Variants in SCARB1 observed in about 807,000 individuals in gnomAD.
SCARB1 encodes scavenger receptor class B member 1, also known as CD36 and LIMPII analogous 1.
Under a neutral mutation model 57.2 loss-of-function variants are expected in SCARB1, and 30 were observed. The observed-to-expected ratio is 0.52, with a 90% confidence interval of 0.39 to 0.71. The LOEUF is 0.71. Among genes scored for constraint, SCARB1 ranks in the 30% least tolerant of loss-of-function variants. The probability of loss-of-function intolerance (pLI) is 0.00; values close to 1 mark genes in which losing one functional copy is unlikely to be tolerated. For missense variants in SCARB1, 543 were observed against 671.2 expected, an observed-to-expected ratio of 0.81 and a Z score of 2.11; for synonymous variants, 249 against 268.3, an observed-to-expected ratio of 0.93 and a Z score of 0.70.
At chr12:124,795,840 C>T (rs1223962438) in intron 8 of SCARB1, among the ~76,000 whole-genome samples, 1 of 152,234 alleles carries the variant, frequency 6.6e-6, no homozygotes, top group Non-Finnish European at 1.5e-5. Context: ...TTCACTCCTG[C>T]TGACAGACAA....
intron 1 of SCARB1, among the ~76,000 whole-genome samples, chr12:124,825,233 A>G (rs1156450764): frequency 6.6e-6 from 1 of 150,712 alleles, no homozygotes; most frequent in East Asian, 1.9e-4. Context: ...TCAAAAAAAA[A>G]AAAAAAAAAA....
intron 1 of SCARB1, 83 bp downstream of exon 1, chr12:124,863,512 A>AC: frequency 6.8e-7 from 1 of 1,473,438 alleles, no homozygotes; most frequent in Non-Finnish European, 9.2e-7. Context: ...TCGCCCACCC[A>AC]CCGCAACGCG....
chr12:124,862,247 C>T (rs1474217634), intron 1 of SCARB1: 2 of 152,222 alleles, frequency 1.3e-5, no homozygotes, highest in Non-Finnish European at 2.9e-5. Flanking sequence ...TGCTGATTTT[C>T]CTGCCATCCC....
intron 1 of SCARB1, among the ~76,000 whole-genome samples, chr12:124,819,471 C>T (rs1167882666): frequency 6.6e-6 from 1 of 152,252 alleles, no homozygotes; most frequent in Non-Finnish European, 1.5e-5. Context: ...CTGGGGTCCA[C>T]TTGGACTCCT....
chr12:124,817,353 TAAAAAAAAAAAA>T lies in SCARB1; in HGVS notation c.284+185_284+196del, dbSNP rs60063887. 5.8e-5 allele frequency among the ~76,000 whole-genome samples: 4 copies of T among 68,774 alleles called. No individual in the cohort carries two copies. Among genetic ancestry groups the T allele is most frequent in the Admixed American group, 1.8e-4 (1 of 5,436 alleles). The allele number at this position is 68,774 out of a possible 152,430, so 45.1% of individuals were successfully genotyped here. On this transcript the variant is annotated intron_variant, in intron 2 of 12. Transcript: ENST00000261693. The surrounding 1 kb of genome is among the most constrained non-coding windows in gnomAD (Gnocchi z 4.8). The stretch of plus-strand genomic sequence containing the variant: ...GGGCAACATAGCAAGATCCCATCTC[TAAAAAAAAAAAA>T]AAAAAAAAAAAAAACCCTAAAACAA...
chr12:124,817,353 T>TAA lies in SCARB1; in HGVS notation c.284+195_284+196dup, dbSNP rs60063887. Among the ~76,000 whole-genome samples the TAA allele has an allele frequency of 4.3e-3, 299 of 68,750 alleles. 4 individuals are homozygous for TAA. The highest frequency in any genetic ancestry group is 0.014 in the African/African-American group (260 of 18,068). 45.1% of individuals were successfully genotyped at this position (68,750 alleles called of 152,430 possible). A position where few individuals can be genotyped will look rare whatever the true frequency, so the allele number is the denominator to read the frequency against. Reference sequence around the variant, plus strand: ...GGGCAACATAGCAAGATCCCATCTCTAAAAAAAAAAAAAAAAAAAAAAAAA... The same window carrying TAA: ...GGGCAACATAGCAAGATCCCATCTCTAAAAAAAAAAAAAAAAAAAAAAAAAAA... On this transcript the variant is annotated intron_variant, in intron 2 of 12. Coordinates refer to ENST00000261693, the MANE Select transcript of SCARB1 (RefSeq NM_005505.5). The surrounding 1 kb of genome is among the most constrained non-coding windows in gnomAD (Gnocchi z 4.8).
At position 124,811,919 on chromosome 12, in the gene SCARB1, T is replaced by C. The variant is rs756381665; in HGVS notation, c.677A>G (p.Gln226Arg). ...SGLFTVFTGV[Q>R]NISRIHLVDK... ...CACGAGGTGGATCCTGCTGATGTTC[T>C]GGACCCCCGTGAACACCGTGAAGAG... Residue 226 changes from glutamine (Q) to arginine (R), a missense_variant, in exon 5 of 13, where the codon CAG becomes CGG. By Grantham distance (43) the Gln-to-Arg change is conservative. Coordinates refer to ENST00000261693, the MANE Select transcript of SCARB1 (RefSeq NM_005505.5). 1.2e-6 allele frequency: 2 copies of C among 1,613,514 alleles called. No individual in the cohort carries two copies. The highest frequency in any genetic ancestry group is 8.5e-7 in the Non-Finnish European group (1 of 1,179,770).
chr12:124,822,925 A>G lies in SCARB1; in HGVS notation c.127-5218T>C, dbSNP rs1039499782. ...GCAACACCACCACCCATGACATGCT[A>G]TATTTACCGCTATGGAACAATCTCC... On this transcript the variant is annotated intron_variant, in intron 1 of 12. Transcript: ENST00000261693. The surrounding 1 kb of genome is among the most constrained non-coding windows in gnomAD (Gnocchi z 5.0). Among the ~76,000 whole-genome samples, 1 of 152,222 alleles carries G rather than the reference A, an allele frequency of 6.6e-6. No homozygotes were observed. The highest frequency in any genetic ancestry group is 1.5e-5 in the Non-Finnish European group (1 of 68,040).
Position 124,824,012 on chromosome 12 carries a change from AT to A in SCARB1, c.127-6306del, listed in dbSNP as rs748190638. 7.0e-3 allele frequency among the ~76,000 whole-genome samples: 979 copies of A among 140,824 alleles called. 3 individuals carry two copies. Among genetic ancestry groups the A allele is most frequent in the South Asian group, 8.6e-3 (37 of 4,326 alleles). 92.4% of individuals were successfully genotyped at this position (140,824 alleles called of 152,430 possible). ...AAACCCCGCCTCTATTAAAAAAAAA[AT>A]ATATACAAAAATTAGCTGGGCATGG... On this transcript the variant is annotated intron_variant, in intron 1 of 12. Coordinates refer to ENST00000261693, the MANE Select transcript of SCARB1 (RefSeq NM_005505.5).
chr12:124,819,542 C>A (rs1220517167), intron 1 of SCARB1, among the ~76,000 whole-genome samples: 1 of 150,916 alleles, frequency 6.6e-6, no homozygotes, highest in African/African-American at 2.4e-5. Context: ...GGAGGTCCCC[C>A]CTAGTCCACC....
intron 1 of SCARB1, among the ~76,000 whole-genome samples, chr12:124,820,808 G>A (rs537420363): frequency 3.5e-4 from 53 of 152,332 alleles, no homozygotes; most frequent in Non-Finnish European, 5.1e-4. Context: ...GGAGGGAACC[G>A]TAGAGGTGAC....
rs1000818883 is a variant in SCARB1, at chr12:124,807,989, C to T, written c.843-62G>A. On this transcript the variant is annotated intron_variant, in intron 6 of 12. Coordinates refer to ENST00000261693, the MANE Select transcript of SCARB1 (RefSeq NM_005505.5). This position sits in a 1 kb window ranked among gnomAD's most constrained non-coding sequence, Gnocchi z 5.3. ...ACCCGGCGGCCAGAGCCAGGCCCTG[C>T]CAAAGGCTGCCCAGATCCAGCCACT... 8 of 1,540,400 alleles carry T rather than the reference C, an allele frequency of 5.2e-6. No homozygotes were observed. The South Asian group carries it at 9.0e-5, about 17-fold the overall frequency.
intron 1 of SCARB1, among the ~76,000 whole-genome samples, chr12:124,826,222 T>G (rs1182163223): frequency 6.6e-6 from 1 of 150,780 alleles, no homozygotes; most frequent in Non-Finnish European, 1.5e-5. Context: ...TCCCAGCTAC[T>G]CAGGAGGCTT....
intron 1 of SCARB1, chr12:124,821,589 C>A (rs561122906): frequency 2.1e-6 from 2 of 970,680 alleles, no homozygotes; most frequent in Admixed American, 6.1e-5. Flanking sequence ...GCAGCCCTGT[C>A]CAACTGGGTG....
At chr12:124,861,213 T>C (rs1952885666) in intron 1 of SCARB1, among the ~76,000 whole-genome samples, 1 of 152,224 alleles carries the variant, frequency 6.6e-6, no homozygotes, top group Admixed American at 6.5e-5. Context: ...CATAAAATGC[T>C]GTGGTATTTG....
In SCARB1 at chr12:124,814,082, A is replaced by G. The variant is rs1218833725; in HGVS notation, c.630+120T>C. On this transcript the variant is annotated intron_variant, in intron 4 of 12. Transcript: ENST00000261693. The surrounding 1 kb of genome is among the most constrained non-coding windows in gnomAD (Gnocchi z 4.7). ...TGAGTCAGGTTCTCAGTCACTTACA[A>G]CCCACAGCCACTAGATCCCCAGCCA... is the stretch of plus-strand genomic sequence containing the variant. 1 of 933,758 alleles carries G rather than the reference A, an allele frequency of 1.1e-6. No individual in the cohort carries two copies. The highest frequency in any genetic ancestry group is 2.4e-5 in the East Asian group (1 of 41,740). 57.8% of individuals were successfully genotyped at this position (933,758 alleles called of 1,614,324 possible).
rs1594427043 is a variant in SCARB1 at position 124,863,745 on chromosome 12, C to A, written c.-25G>T. 2.1e-6 allele frequency: 3 copies of A among 1,436,710 alleles called. No individual in the cohort carries two copies. Among genetic ancestry groups the A allele is most frequent in the South Asian group, 1.5e-5 (1 of 68,104 alleles). 89.0% of individuals were successfully genotyped at this position (1,436,710 alleles called of 1,614,324 possible). On this transcript the variant is annotated 5_prime_UTR_variant, in exon 1 of 13. Transcript: ENST00000261693. ...TGTCTGCGCGCCTGGGGCCCACCCG[C>A]GGCTCGCAGGGCTCCGCGCCTGGCA...
rs1434022485 is a variant in SCARB1 at position 124,795,183 on chromosome 12, G to T, written c.1202+12C>A. 22 of 1,609,714 alleles carry T rather than the reference G, an allele frequency of 1.4e-5. No homozygotes were observed. Among genetic ancestry groups the T allele is most frequent in the Non-Finnish European group, 1.9e-5 (22 of 1,176,222 alleles). ...ATGAGCAATGCAGCCCCAGCTCCCA[G>T]TCCCCACTCACCCAATGCCTGCGAC... On this transcript the variant is annotated intron_variant, in intron 9 of 12. Transcript: ENST00000261693.
chr12:124,847,752 A>C (rs1395198680), intron 1 of SCARB1, among the ~76,000 whole-genome samples: 1 of 152,234 alleles, frequency 6.6e-6, no homozygotes. Flanking sequence ...CTTCAACCCA[A>C]GAGGTTCAGA....
Sources: gnomAD v4.1 joint callset for allele counts (sites outside exome capture counted in the v4.1 genomes callset) on GRCh38, gnomAD v4.1.1 for gene constraint, Gnocchi (gnomAD v3.1) non-coding constraint, MANE v1.5 for transcripts, NCBI Gene and HGNC (gene_info 2026-07-23, HGNC 2026-07-21) for gene names.